Variants in DYNLT2B observed in about 807,000 individuals in gnomAD.
DYNLT2B encodes dynein light chain Tctex-type protein 2B.
DYNLT2B carries 14 observed loss-of-function variants against 19.5 expected under a neutral mutation model. The observed-to-expected ratio is 0.72, with a 90% CI of 0.47 to 1.12. The LOEUF (loss-of-function observed/expected upper bound fraction) is 1.12. DYNLT2B is among the 50% of genes most tolerant of loss of function. DYNLT2B has a pLI of 0.00. For synonymous variants in DYNLT2B, 70 were observed against 59.7 expected (o/e 1.17, Z -0.79); for missense variants, 133 against 174.7 (o/e 0.76, Z 1.35).
chr3:196,306,951 T>C lies in DYNLT2B; in HGVS notation c.309A>G (p.Glu103=). 6.2e-7 allele frequency: 1 copy of C among 1,613,838 alleles called. No homozygotes were observed. Among genetic ancestry groups the C allele is most frequent in the South Asian group, 1.1e-5 (1 of 91,066 alleles). The part of the protein sequence containing the change: ...VQVVIGEQRG[E]GVFMASRCFW... Reference sequence around the variant, plus strand: ...AAAATCCAGCTACTCACAATACTCCTTCACCTCTTTGTTCTCCAATCACTA... The same window carrying C: ...AAAATCCAGCTACTCACAATACTCCCTCACCTCTTTGTTCTCCAATCACTA... The change falls in exon 3 of 5, where the codon GAA becomes GAG. Residue 103 remains glutamate (E), a synonymous_variant. Transcript: ENST00000325318.
At chr3:196,297,949 C>G (rs1020442538) in intron 3 of DYNLT2B, 1 of 153,274 alleles carries the variant, frequency 6.5e-6, no homozygotes, top group Non-Finnish European at 1.5e-5. Context: ...AATATATTCC[C>G]AATAAAACAC....
At chr3:196,298,089 T>G (rs1353362828) in intron 3 of DYNLT2B, 1 of 289,178 alleles carries the variant, frequency 3.5e-6, no homozygotes, top group Non-Finnish European at 6.8e-6. Context: ...TGTTCTGCAA[T>G]GTCTCCTTTC....
At position 196,291,432 on chromosome 3, in the gene DYNLT2B, G is replaced by A; in HGVS notation, c.382-58C>T. The A allele has an allele frequency of 2.6e-6, 4 of 1,551,322 alleles. No homozygotes were observed. The South Asian group carries it at 4.8e-5, about 19-fold the overall frequency. ...AGAATGTTAGTACTAAAGAGGGAAT[G>A]AGAGCAGCACAGGCAACTGAAACTA... On this transcript the variant is annotated intron_variant, in intron 4 of 4. Coordinates refer to ENST00000325318, the MANE Select transcript of DYNLT2B (RefSeq NM_152773.5).
At chr3:196,317,740 TCTC>T (rs889709478) in intron 1 of DYNLT2B, among the ~76,000 whole-genome samples, 4 of 152,106 alleles carry the variant, frequency 2.6e-5, no homozygotes, top group Non-Finnish European at 5.9e-5. Flanking sequence ...ATTCTACCCA[TCTC>T]CTTACTCAGG....
intron 3 of DYNLT2B, among the ~76,000 whole-genome samples, chr3:196,303,931 G>A (rs116067935): frequency 0.011 from 1,639 of 152,260 alleles, 29 homozygotes; most frequent in African/African-American, 0.038. Flanking sequence ...GCCGAGGCAG[G>A]AGGACTGGTT....
chr3:196,300,664 G>T (rs905974839), intron 3 of DYNLT2B, among the ~76,000 whole-genome samples: 2 of 150,996 alleles, frequency 1.3e-5, no homozygotes, highest in African/African-American at 4.9e-5. Context: ...GGGAGGCTGA[G>T]GTTGTGGTGA....
At chr3:196,307,172 C>G (rs950164083) in intron 2 of DYNLT2B, among the ~76,000 whole-genome samples, 160 bp from the exon 3 acceptor site, 1 of 152,190 alleles carries the variant, frequency 6.6e-6, no homozygotes, top group East Asian at 1.9e-4. Context: ...CAGATCCTAA[C>G]TATAACTCAG....
At chr3:196,310,083 C>G (rs1312122771) in intron 2 of DYNLT2B, among the ~76,000 whole-genome samples, 1 of 150,898 alleles carries the variant, frequency 6.6e-6, no homozygotes, top group Non-Finnish European at 1.5e-5. Context: ...GAAATAAGTA[C>G]TCAATCAGGT....
At chr3:196,302,025 T>G (rs1473902405) in intron 3 of DYNLT2B, among the ~76,000 whole-genome samples, 1 of 151,942 alleles carries the variant, frequency 6.6e-6, no homozygotes, top group East Asian at 1.9e-4. Context: ...GAGAATCGCT[T>G]AAACCCAGGA....
chr3:196,305,282 C>T (rs1380273158), intron 3 of DYNLT2B, among the ~76,000 whole-genome samples: 2 of 152,112 alleles, frequency 1.3e-5, no homozygotes, highest in African/African-American at 4.8e-5. Flanking sequence ...TATTTTGTAC[C>T]TTCTGAGAAG....
At chr3:196,316,308 T>G in intron 1 of DYNLT2B, 77 bp from the exon 2 acceptor site, 1 of 1,468,828 alleles carries the variant, frequency 6.8e-7, no homozygotes, top group Non-Finnish European at 9.1e-7. Context: ...ACTTCTCCCA[T>G]CTTTTTGTCA....
At chr3:196,317,133 G>A (rs1302968356) in intron 1 of DYNLT2B, among the ~76,000 whole-genome samples, 1 of 120,856 alleles carries the variant, frequency 8.3e-6, no homozygotes, top group Non-Finnish European at 1.7e-5. Context: ...GCTCTGGCCC[G>A]TGAGCCTGAC....
Position 196,300,752 on chromosome 3 carries a change from A to AT in DYNLT2B, c.318-4684dup, listed in dbSNP as rs1726334148. Among the ~76,000 whole-genome samples, 8 of 148,408 alleles carry AT rather than the reference A, an allele frequency of 5.4e-5. No individual in the cohort carries two copies. The South Asian group carries it at 1.5e-3, about 28-fold the overall frequency. Reference sequence around the variant, plus strand: ...CTCCAAAAAAAAAAAAAAAAAAAAAATAGAAACAAGGGTGAGGCTGGGTGT... The same window carrying AT: ...CTCCAAAAAAAAAAAAAAAAAAAAAATTAGAAACAAGGGTGAGGCTGGGTGT... On this transcript the variant is annotated intron_variant, in intron 3 of 4. Transcript: ENST00000325318.
chr3:196,310,300 C>T (rs1223389671), intron 2 of DYNLT2B, among the ~76,000 whole-genome samples: 3 of 150,268 alleles, frequency 2.0e-5, no homozygotes, highest in Admixed American at 6.7e-5. Context: ...TTAGTAGAGA[C>T]GGGATTTCAC....
At chr3:196,300,676 C>G (rs568186233) in intron 3 of DYNLT2B, among the ~76,000 whole-genome samples, 1 of 148,010 alleles carries the variant, frequency 6.8e-6, no homozygotes, top group South Asian at 2.1e-4. Context: ...TTGTGGTGAG[C>G]CAAGATCATG....
At chr3:196,317,484 T>C (rs1726902640) in intron 1 of DYNLT2B, among the ~76,000 whole-genome samples, 1 of 96,828 alleles carries the variant, frequency 1.0e-5, no homozygotes, top group African/African-American at 4.2e-5. Flanking sequence ...TGTGTGTGTG[T>C]GTGTGTGTGT....
chr3:196,303,279 T>C (rs1222579626), intron 3 of DYNLT2B, among the ~76,000 whole-genome samples: 2 of 152,104 alleles, frequency 1.3e-5, no homozygotes, highest in Non-Finnish European at 2.9e-5. Context: ...TGGGAGAGAC[T>C]GATTTGAGTA....
At chr3:196,315,126 T>G in intron 2 of DYNLT2B, 1 of 372,560 alleles carries the variant, frequency 2.7e-6, no homozygotes. Flanking sequence ...TTTTCCCCCA[T>G]CTGCAAAAAC....
At chr3:196,296,134 C>T in intron 3 of DYNLT2B, 65 bp from the exon 4 acceptor site, 1 of 1,345,666 alleles carries the variant, frequency 7.4e-7, no homozygotes. Context: ...ACATATCTGC[C>T]ACGAGAAACA....
Sources: allele counts gnomAD v4.1 joint callset (sites outside exome capture counted in the v4.1 genomes callset), GRCh38; gene constraint gnomAD v4.1.1; transcripts MANE v1.5; gene names NCBI Gene and HGNC (gene_info 2026-07-23, HGNC 2026-07-21).